Variants in RNF145 observed in about 807,000 individuals in gnomAD.
RNF145 encodes the protein ring finger protein 145.
Under a neutral mutation model 57.3 loss-of-function variants are expected in RNF145, and 12 were observed. That is an observed-to-expected ratio of 0.21 (90% CI 0.13 to 0.34). RNF145 has a LOEUF of 0.34. Among genes scored for constraint, RNF145 ranks in the 10% least tolerant of loss-of-function variants. RNF145 has a pLI of 1.00. For synonymous variants in RNF145, 262 were observed against 288.3 expected (o/e 0.91, Z 0.92); for missense variants, 429 against 799.0 (o/e 0.54, Z 5.58).
upstream of RNF145, chr5:159,209,565 C>T (rs1431144330): frequency 2.0e-6 from 2 of 1,000,070 alleles, no homozygotes; most frequent in Non-Finnish European, 2.4e-6. Flanking sequence ...GCGGCCGCGG[C>T]CCGACTTCCG....
At chr5:159,187,549 G>A (rs943209653) in intron 3 of RNF145, among the ~76,000 whole-genome samples, 6 of 151,908 alleles carry the variant, frequency 3.9e-5, no homozygotes, top group African/African-American at 9.7e-5. Flanking sequence ...GGCTGGTCTC[G>A]AATGCCTGAC....
intron 1 of RNF145, chr5:159,208,083 T>A: frequency 6.8e-7 from 1 of 1,477,914 alleles, no homozygotes; most frequent in Non-Finnish European, 8.9e-7. Flanking sequence ...TAATCTTTGA[T>A]GCCTGCTCAC....
At chr5:159,205,492 G>A (rs1489298848) in intron 1 of RNF145, among the ~76,000 whole-genome samples, 1 of 152,106 alleles carries the variant, frequency 6.6e-6, no homozygotes, top group Non-Finnish European at 1.5e-5. Context: ...AGAGTTTAAT[G>A]CATTTTAATG....
intron 4 of RNF145, 47 bp from the exon 5 acceptor site, chr5:159,176,914 A>T: frequency 8.5e-7 from 1 of 1,174,904 alleles, no homozygotes; most frequent in Non-Finnish European, 1.2e-6. Flanking sequence ...TTTGGCATCC[A>T]CAAAATAAAA....
intron 3 of RNF145, among the ~76,000 whole-genome samples, chr5:159,194,037 C>G (rs1291201450): frequency 1.3e-5 from 2 of 152,130 alleles, no homozygotes; most frequent in Non-Finnish European, 2.9e-5. Flanking sequence ...TTGGCAGACC[C>G]AAGTCTTAAA....
At chr5:159,159,750 G>A (rs1355795746) in intron 10 of RNF145, among the ~76,000 whole-genome samples, 1 of 152,176 alleles carries the variant, frequency 6.6e-6, no homozygotes, top group Non-Finnish European at 1.5e-5. Flanking sequence ...AAGGAGTGGT[G>A]TACTTTGCAT....
chr5:159,158,502 G>A lies in RNF145; in HGVS notation c.*168C>T. ...TGCAAAATTTCTCCCACAATGTCAG[G>A]GGATGAAAGCAGGTGGTCCCCACTG... On this transcript the variant is annotated 3_prime_UTR_variant, in exon 11 of 11. Coordinates refer to ENST00000424310, the MANE Select transcript of RNF145 (RefSeq NM_001199383.2). The A allele has an allele frequency of 2.6e-6, 2 of 769,886 alleles. No homozygotes were observed. The highest frequency in any genetic ancestry group is 4.1e-6 in the Non-Finnish European group (2 of 485,370). The allele number at this position is 769,886 out of a possible 1,614,324, so 47.7% of individuals were successfully genotyped here. A position where few individuals can be genotyped will look rare whatever the true frequency, so the allele number is the denominator to read the frequency against.
At chr5:159,161,646 G>T (rs374310644) in intron 9 of RNF145, 24 bp from the exon 10 acceptor site, 6 of 1,272,674 alleles carry the variant, frequency 4.7e-6, no homozygotes, top group Non-Finnish European at 6.7e-6. Flanking sequence ...AAAAATGTAC[G>T]TATCTTGAAA....
At chr5:159,184,453 C>T (rs77446921) in intron 3 of RNF145, among the ~76,000 whole-genome samples, 1,772 of 152,214 alleles carry the variant, frequency 0.012, 30 homozygotes, top group African/African-American at 0.038. Flanking sequence ...CATACTAGCA[C>T]GCAACTTATA....
chr5:159,204,602 G>A (rs1433850893), intron 1 of RNF145, among the ~76,000 whole-genome samples: 4 of 152,020 alleles, frequency 2.6e-5, no homozygotes, highest in Admixed American at 6.6e-5. Flanking sequence ...TCACGAGTTC[G>A]AGACCAGCCT....
In RNF145 at chr5:159,158,541, G is replaced by T; in HGVS notation, c.*129C>A. 3 of 1,224,024 alleles carry T rather than the reference G, an allele frequency of 2.5e-6. No homozygotes were observed. The highest frequency in any genetic ancestry group is 1.5e-5 in the South Asian group (1 of 67,954). The allele number at this position is 1,224,024 out of a possible 1,614,324, so 75.8% of individuals were successfully genotyped here. A position where few individuals can be genotyped will look rare whatever the true frequency, so the allele number is the denominator to read the frequency against. On this transcript the variant is annotated 3_prime_UTR_variant, in exon 11 of 11. Coordinates refer to ENST00000424310, the MANE Select transcript of RNF145 (RefSeq NM_001199383.2). The stretch of plus-strand genomic sequence containing the variant: ...TGGTCCCCACTGAGAGTACTTCCTG[G>T]ATTAGATCCTTGGAATGTCAGTTTC...
At chr5:159,186,726 C>T (rs1360398184) in intron 3 of RNF145, among the ~76,000 whole-genome samples, 3 of 152,130 alleles carry the variant, frequency 2.0e-5, no homozygotes, top group African/African-American at 7.2e-5. Context: ...TCTTTAGTTT[C>T]TTTCTGGCCT....
chr5:159,161,085 T>C (rs1445325938), intron 10 of RNF145, 181 bp downstream of exon 10: 2 of 539,414 alleles, frequency 3.7e-6, no homozygotes, highest in African/African-American at 3.8e-5. Context: ...AATTTAAAAC[T>C]TAATTTAGAA....
intron 2 of RNF145, among the ~76,000 whole-genome samples, chr5:159,195,673 A>G (rs957342873): frequency 6.6e-6 from 1 of 152,184 alleles, no homozygotes; most frequent in Non-Finnish European, 1.5e-5. Context: ...TTTCCAATAA[A>G]CACTGGAAAT....
At chr5:159,193,585 T>A (rs1458477762) in intron 3 of RNF145, among the ~76,000 whole-genome samples, 1 of 152,182 alleles carries the variant, frequency 6.6e-6, no homozygotes, top group African/African-American at 2.4e-5. Flanking sequence ...TTTTAAAAAC[T>A]GAAATAAAGT....
At chr5:159,174,228 A>G (rs1024224749) in intron 5 of RNF145, 70 bp from the exon 6 acceptor site, 3 of 1,016,172 alleles carry the variant, frequency 3.0e-6, no homozygotes, top group African/African-American at 1.6e-5. Context: ...ACTTGAGTCA[A>G]ATCAGAAGTA....
intron 1 of RNF145, chr5:159,207,358 CTTT>C (rs1017254372): frequency 2.9e-6 from 2 of 681,442 alleles, no homozygotes; most frequent in African/African-American, 3.7e-5. Flanking sequence ...ACCTCCTAAA[CTTT>C]TTTTTAAAAA....
Position 159,203,423 on chromosome 5 carries a change from T to C in RNF145, c.184+11A>G, listed in dbSNP as rs1466526428. 5.8e-6 allele frequency: 9 copies of C among 1,546,940 alleles called. No individual in the cohort carries two copies. The highest frequency in any genetic ancestry group is 8.0e-6 in the Non-Finnish European group (9 of 1,119,168). On this transcript the variant is annotated intron_variant, in intron 2 of 10. Transcript: ENST00000424310. ...CACTAGAAGATTAGAAAATGTGATG[T>C]AGACACTCACCTACATAATGCATAT...
intron 1 of RNF145, among the ~76,000 whole-genome samples, chr5:159,208,658 G>C (rs1785988872): frequency 6.6e-6 from 1 of 152,170 alleles, no homozygotes; most frequent in Non-Finnish European, 1.5e-5. Context: ...GCTTGAGTTT[G>C]GGGCTGCGTA....
Sources: gnomAD v4.1 joint callset for allele counts (sites outside exome capture counted in the v4.1 genomes callset) on GRCh38, gnomAD v4.1.1 for gene constraint, MANE v1.5 for transcripts, NCBI Gene and HGNC (gene_info 2026-07-23, HGNC 2026-07-21) for gene names.